Variants in CCDC124 observed in about 807,000 individuals in gnomAD.
CCDC124 encodes the protein coiled-coil domain-containing protein 124.
CCDC124 carries 9 observed loss-of-function variants against 19.8 expected under a neutral mutation model. That is an observed-to-expected ratio of 0.45 (90% confidence interval 0.27 to 0.79). CCDC124 has a LOEUF of 0.79. Among genes scored for constraint, CCDC124 ranks in the 30% least tolerant of loss-of-function variants. CCDC124 has a pLI of 0.14. For synonymous variants in CCDC124, 126 were observed against 131.3 expected (o/e 0.96, Z 0.27); for missense variants, 285 against 319.0 (o/e 0.89, Z 0.81).
chr19:17,943,241 T>TCGGGGGGGCGCCC lies in CCDC124; in HGVS notation c.350-19_350-18insGGGGGGGCGCCCC. 1.4e-6 allele frequency: 1 copy of TCGGGGGGGCGCCC among 736,678 alleles called. No homozygotes were observed. The highest frequency in any genetic ancestry group is 2.4e-6 in the Non-Finnish European group (1 of 414,970). 45.6% of individuals were successfully genotyped at this position (736,678 alleles called of 1,614,324 possible). On this transcript the variant is annotated intron_variant, in intron 3 of 4. Transcript: ENST00000445755. ...CTTTGCTTATCTCTCTCTGTCTCTGTCACCCACCCACCCGCCCAGCCGAGA... is the reference window on the plus strand; with the variant it reads ...CTTTGCTTATCTCTCTCTGTCTCTGTCGGGGGGGCGCCCCACCCACCCACCCGCCCAGCCGAGA...
At chr19:17,933,374 G>A (rs905419008) in intron 1 of CCDC124, among the ~76,000 whole-genome samples, 7 of 152,180 alleles carry the variant, frequency 4.6e-5, no homozygotes, top group African/African-American at 1.7e-4. Context: ...ACTTCAAAAG[G>A]GATAGCCGGG....
At chr19:17,940,718 C>G (rs1599967122) in intron 2 of CCDC124, among the ~76,000 whole-genome samples, 1 of 146,648 alleles carries the variant, frequency 6.8e-6, no homozygotes, top group South Asian at 2.2e-4. Context: ...CCATTGTACT[C>G]CAGCCTGGGC....
intron 2 of CCDC124, among the ~76,000 whole-genome samples, chr19:17,937,953 G>A (rs2147779379): frequency 6.6e-6 from 1 of 152,208 alleles, no homozygotes; most frequent in Admixed American, 6.5e-5. Flanking sequence ...GGCTGGTCTC[G>A]AACTCCCAAC....
At chr19:17,943,209 T>C (rs1319588839) in intron 3 of CCDC124, 52 bp from the exon 4 acceptor site, 1 of 1,371,024 alleles carries the variant, frequency 7.3e-7, no homozygotes, top group East Asian at 2.5e-5. Flanking sequence ...TCCTTGGAAC[T>C]GTGCATCTTT....
intron 3 of CCDC124, among the ~76,000 whole-genome samples, 172 bp downstream of exon 3, chr19:17,943,017 G>A (rs2031221300): frequency 6.6e-6 from 1 of 152,104 alleles, no homozygotes; most frequent in Non-Finnish European, 1.5e-5. Context: ...ACAACCTCAG[G>A]GCTTGTGCCC....
intron 2 of CCDC124, among the ~76,000 whole-genome samples, chr19:17,939,228 C>T (rs992257507): frequency 1.3e-5 from 2 of 152,042 alleles, no homozygotes; most frequent in Non-Finnish European, 2.9e-5. Context: ...AACCCCATCT[C>T]TGCTAAAAAT....
intron 2 of CCDC124, among the ~76,000 whole-genome samples, chr19:17,939,966 G>A (rs1742261253): frequency 7.0e-6 from 1 of 141,852 alleles, no homozygotes; most frequent in South Asian, 2.2e-4. Flanking sequence ...CCAGGCTGGA[G>A]TACAGTGGCG....
At chr19:17,935,507 G>A (rs1416726277) in intron 1 of CCDC124, among the ~76,000 whole-genome samples, 2 of 150,784 alleles carry the variant, frequency 1.3e-5, no homozygotes, top group South Asian at 2.1e-4. Context: ...TGCAACCTCC[G>A]CCTCCCGGGT....
intron 3 of CCDC124, 68 bp from the exon 4 acceptor site, chr19:17,943,193 C>T: frequency 7.8e-7 from 1 of 1,280,974 alleles, no homozygotes; most frequent in East Asian, 2.5e-5. Flanking sequence ...CAGTCTCTAT[C>T]TCATCTCCTT....
intron 2 of CCDC124, 123 bp downstream of exon 2, chr19:17,936,702 C>G: frequency 7.9e-7 from 1 of 1,270,234 alleles, no homozygotes; most frequent in East Asian, 2.6e-5. Flanking sequence ...CAGGAGGGAC[C>G]AGGCGCTGTC....
Position 17,943,580 on chromosome 19 carries a change from C to T in CCDC124, c.537C>T (p.Ala179=), listed in dbSNP as rs142729821. Residue 179 remains alanine, a synonymous_variant, in exon 5 of 5, where the codon GCC becomes GCT. Coordinates refer to ENST00000445755, the MANE Select transcript of CCDC124 (RefSeq NM_001136203.2). ...MRAAFTAFEE[A]QLPRLKQENP... ...CAGCCTTCACAGCCTTTGAGGAAGC[C>T]CAGCTGCCGCGGCTCAAACAAGAGA... 1.7e-4 allele frequency: 275 copies of T among 1,612,718 alleles called. No homozygotes were observed. Among genetic ancestry groups the T allele is most frequent in the Non-Finnish European group, 2.2e-4 (255 of 1,179,966 alleles).
At chr19:17,934,426 C>G (rs1024136207) in intron 1 of CCDC124, among the ~76,000 whole-genome samples, 1 of 151,792 alleles carries the variant, frequency 6.6e-6, no homozygotes, top group Non-Finnish European at 1.5e-5. Context: ...GCCCAAATGT[C>G]TAGCTGTGGA....
chr19:17,941,176 C>T (rs1228000542), intron 2 of CCDC124, among the ~76,000 whole-genome samples: 1 of 152,154 alleles, frequency 6.6e-6, no homozygotes, highest in Non-Finnish European at 1.5e-5. Context: ...TCATACCCCT[C>T]CTGGTCAGTC....
intron 1 of CCDC124, among the ~76,000 whole-genome samples, chr19:17,935,772 G>A (rs183723330): frequency 6.6e-4 from 100 of 152,222 alleles, no homozygotes; most frequent in African/African-American, 2.3e-3. Flanking sequence ...TAGTTGACAC[G>A]GGGTTTCACC....
chr19:17,938,223 C>A (rs1336934125), intron 2 of CCDC124, among the ~76,000 whole-genome samples: 1 of 151,822 alleles, frequency 6.6e-6, no homozygotes, highest in Non-Finnish European at 1.5e-5. Flanking sequence ...GCCTGTGGTC[C>A]CAGCTACTTG....
rs1364185859 is a variant in CCDC124, at chr19:17,942,728, G to T, written c.232G>T (p.Asp78Tyr). ...GACGCAGCGCCTACTGGAGGAGGAG[G>T]ACTCCAAGCTCAAGGGCGGCAAGGC... is the stretch of plus-strand genomic sequence containing the variant. ...KETQRLLEEE[D>Y]SKLKGGKAPR... is the part of the protein sequence containing the mutation. Residue 78 changes from aspartate to tyrosine, a missense_variant, in exon 3 of 5, where the codon GAC becomes TAC. Coordinates refer to ENST00000445755, the MANE Select transcript of CCDC124 (RefSeq NM_001136203.2). This position sits in a 1 kb window ranked among gnomAD's most constrained non-coding sequence, Gnocchi z 4.2. 6.4e-7 allele frequency: 1 copy of T among 1,551,658 alleles called. No individual in the cohort carries two copies. Among genetic ancestry groups the T allele is most frequent in the African/African-American group, 1.4e-5 (1 of 73,490 alleles).
chr19:17,942,599 A>C lies in CCDC124; in HGVS notation c.160-57A>C. 2.6e-6 allele frequency: 4 copies of C among 1,523,902 alleles called. No homozygotes were observed. The highest frequency in any genetic ancestry group is 3.5e-6 in the Non-Finnish European group (4 of 1,127,610). 94.4% of individuals were successfully genotyped at this position (1,523,902 alleles called of 1,614,324 possible). ...GAGATGAAAACTCGAACCCCAGGCT[A>C]GTGGGTGGCGCGGGGGTGTGGGGTC... On this transcript the variant is annotated intron_variant, in intron 2 of 4. Coordinates refer to ENST00000445755, the MANE Select transcript of CCDC124 (RefSeq NM_001136203.2). This position sits in a 1 kb window ranked among gnomAD's most constrained non-coding sequence, Gnocchi z 4.2.
At chr19:17,937,562 A>G (rs150256235) in intron 2 of CCDC124, among the ~76,000 whole-genome samples, 8 of 152,054 alleles carry the variant, frequency 5.3e-5, no homozygotes, top group Non-Finnish European at 8.8e-5. Context: ...TTGCTGGCAT[A>G]TAGAAGGTGG....
Position 17,942,551 on chromosome 19 carries a change from C to T in CCDC124, c.160-105C>T. ...CCTGGTATGTCCCCTGCACCCAGCA[C>T]AGAGCCTAAATCCTCGTTGGCTGAG... is the stretch of plus-strand genomic sequence containing the variant. On this transcript the variant is annotated intron_variant, in intron 2 of 4. Transcript: ENST00000445755. This position sits in a 1 kb window ranked among gnomAD's most constrained non-coding sequence, Gnocchi z 4.2. 1 of 1,309,344 alleles carries T rather than the reference C, an allele frequency of 7.6e-7. No individual in the cohort carries two copies. Among genetic ancestry groups the T allele is most frequent in the Non-Finnish European group, 1.1e-6 (1 of 948,030 alleles). The allele number at this position is 1,309,344 out of a possible 1,614,324, so 81.1% of individuals were successfully genotyped here.
Sources: gnomAD v4.1 joint callset for allele counts (sites outside exome capture counted in the v4.1 genomes callset) on GRCh38, gnomAD v4.1.1 for gene constraint, Gnocchi (gnomAD v3.1) non-coding constraint, MANE v1.5 for transcripts, NCBI Gene and HGNC (gene_info 2026-07-23, HGNC 2026-07-21) for gene names.